Variants in FARP1 observed in about 807,000 individuals in gnomAD.
FARP1 encodes the protein FERM, ARH/RhoGEF and pleckstrin domain protein 1.
In FARP1, 52 loss-of-function variants were observed where a neutral mutation model predicts 128.8. The observed-to-expected ratio is 0.40, with a 90% CI of 0.32 to 0.51. The LOEUF is 0.51. FARP1 is among the 20% of genes least tolerant of loss of function. The pLI is 0.45. For missense variants in FARP1, 1,333 were observed against 1,367.9 expected, an observed-to-expected ratio of 0.97 and a Z score of 0.40; for synonymous variants, 580 against 551.8, an observed-to-expected ratio of 1.05 and a Z score of -0.72.
intron 2 of FARP1, among the ~76,000 whole-genome samples, chr13:98,230,179 T>A (rs937619211): frequency 6.6e-6 from 1 of 152,226 alleles, no homozygotes; most frequent in South Asian, 2.1e-4. Flanking sequence ...GAGCCTGTTA[T>A]AGGTAATTTT....
Position 98,216,417 on chromosome 13 carries a change from G to A in FARP1, c.171+3004G>A, listed in dbSNP as rs148359450. Among the ~76,000 whole-genome samples, 752 of 152,252 alleles carry A rather than the reference G, an allele frequency of 4.9e-3. 7 individuals are homozygous for A. The highest frequency in any genetic ancestry group is 0.017 in the African/African-American group (711 of 41,550). Reference sequence around the variant, plus strand: ...AGGCCAAGTGTCTGACCCTGGAAACGTCCTTTGATGGAGTGCCCCAAGTGA... The same window carrying A: ...AGGCCAAGTGTCTGACCCTGGAAACATCCTTTGATGGAGTGCCCCAAGTGA... On this transcript the variant is annotated intron_variant, in intron 2 of 26. Transcript: ENST00000319562.
chr13:98,417,369 T>TA (rs1207198547), intron 16 of FARP1, among the ~76,000 whole-genome samples: 2 of 145,944 alleles, frequency 1.4e-5, no homozygotes, highest in African/African-American at 5.1e-5. Context: ...TCTTCTCGAC[T>TA]ATACCTTTAT....
chr13:98,285,075 A>G (rs1387163751), intron 2 of FARP1, among the ~76,000 whole-genome samples: 1 of 152,200 alleles, frequency 6.6e-6, no homozygotes, highest in Non-Finnish European at 1.5e-5. Flanking sequence ...TGCGAGTATT[A>G]TTATTCAGTA....
chr13:98,371,205 A>AC (rs1255193314), intron 5 of FARP1, among the ~76,000 whole-genome samples: 4 of 119,462 alleles, frequency 3.3e-5, no homozygotes, highest in African/African-American at 1.3e-4. Context: ...GTATCCCCTC[A>AC]CCCCCGCCCC....
intron 8 of FARP1, among the ~76,000 whole-genome samples, chr13:98,387,312 A>G (rs1253208247): frequency 6.6e-6 from 1 of 152,176 alleles, no homozygotes; most frequent in African/African-American, 2.4e-5. Flanking sequence ...AAGAAAAACA[A>G]TAAAGCCAAG....
chr13:98,440,291 C>A (rs1892470726), intron 23 of FARP1, 56 bp downstream of exon 23: 2 of 1,295,602 alleles, frequency 1.5e-6, no homozygotes, highest in Non-Finnish European at 1.1e-6. Context: ...GGAGGGACAG[C>A]ATTTCTGCAT....
Position 98,452,331 on chromosome 13 carries a change from T to A in FARP1, c.*4014T>A, listed in dbSNP as rs1241552849. ...ACAAATGTCAGACGAGAGCGCTTCA[T>A]GGGGAGAAACTGAAAATTATAATTT... On this transcript the variant is annotated 3_prime_UTR_variant, in exon 27 of 27. Coordinates refer to ENST00000319562, the MANE Select transcript of FARP1 (RefSeq NM_005766.4). 2.0e-5 allele frequency: 3 copies of A among 152,436 alleles called. No individual in the cohort carries two copies. The highest frequency in any genetic ancestry group is 4.4e-5 in the Non-Finnish European group (3 of 68,008). 9.4% of individuals were successfully genotyped at this position (152,436 alleles called of 1,614,324 possible). A position where few individuals can be genotyped will look rare whatever the true frequency, so the allele number is the denominator to read the frequency against.
At chr13:98,268,778 T>TGTGTGTGTGTG (rs1884253275) in intron 2 of FARP1, among the ~76,000 whole-genome samples, 1 of 148,184 alleles carries the variant, frequency 6.7e-6, no homozygotes, top group African/African-American at 2.5e-5. Context: ...TTTCCCTTCT[T>TGTGTGTGTGTG]TGTGTGTGTG....
Position 98,176,838 on chromosome 13 carries a change from C to T in FARP1, c.-24+33346C>T, listed in dbSNP as rs1878090263. The T allele has an allele frequency of 6.2e-7, 1 of 1,611,632 alleles. No homozygotes were observed. The highest frequency in any genetic ancestry group is 1.1e-5 in the South Asian group (1 of 91,054). On this transcript the variant is annotated intron_variant, in intron 1 of 26. Transcript: ENST00000319562. This position sits in a 1 kb window ranked among gnomAD's most constrained non-coding sequence, Gnocchi z 6.2. ...CCCGACCCCGCAGTGCCTCCTGGAC[C>T]CGCTGGCTGCACTTGAGGATGGTCG...
rs2139235874 is a variant in FARP1, at chr13:98,454,766, G to A, written c.*6449G>A. 1 of 152,358 alleles carries A rather than the reference G, an allele frequency of 6.6e-6. No homozygotes were observed. The highest frequency in any genetic ancestry group is 2.4e-5 in the African/African-American group (1 of 41,566). The allele number at this position is 152,358 out of a possible 1,614,324, so 9.4% of individuals were successfully genotyped here. On this transcript the variant is annotated 3_prime_UTR_variant, in exon 27 of 27. Coordinates refer to ENST00000319562, the MANE Select transcript of FARP1 (RefSeq NM_005766.4). Reference sequence around the variant, plus strand: ...AGCCATCGGGGTGAACGCTCAGTGGGAGCTTCAGGAGCAGGGAAGGAAGAA... The same window carrying A: ...AGCCATCGGGGTGAACGCTCAGTGGAAGCTTCAGGAGCAGGGAAGGAAGAA...
At chr13:98,215,926 T>G (rs1881033728) in intron 2 of FARP1, among the ~76,000 whole-genome samples, 1 of 151,968 alleles carries the variant, frequency 6.6e-6, no homozygotes, top group Admixed American at 6.6e-5. Flanking sequence ...AAGTAGCTGG[T>G]ACGATAGGTG....
intron 2 of FARP1, among the ~76,000 whole-genome samples, chr13:98,318,072 T>C (rs1342743017): frequency 3.5e-5 from 5 of 144,768 alleles, no homozygotes; most frequent in African/African-American, 1.3e-4. Flanking sequence ...CTCCTCCTTT[T>C]TTTTTTTTTT....
At chr13:98,234,824 ACAGGTGCCGCCAAGCC>A (rs1882327021) in intron 2 of FARP1, 1 of 152,216 alleles carries the variant, frequency 6.6e-6, no homozygotes, top group African/African-American at 2.4e-5. Context: ...AATTGAGCTG[ACAGGTGCCGCCAAGCC>A]CATCTTTCCA....
rs146323365 is a variant in FARP1 at position 98,186,124 on chromosome 13, C to T, written c.-23-27096C>T. On this transcript the variant is annotated intron_variant, in intron 1 of 26. Coordinates refer to ENST00000319562, the MANE Select transcript of FARP1 (RefSeq NM_005766.4). ...CTTTTTCTTTTCTTTTTTTTTGAAA[C>T]GGAGTTTCGCTCTTGTTGCCCAGGC... Among the ~76,000 whole-genome samples, 996 of 151,684 alleles carry T rather than the reference C, an allele frequency of 6.6e-3. 6 individuals are homozygous for T. Among genetic ancestry groups the T allele is most frequent in the African/African-American group, 0.022 (913 of 41,400 alleles).
intron 1 of FARP1, among the ~76,000 whole-genome samples, chr13:98,191,964 A>T (rs1445712696): frequency 6.6e-6 from 1 of 152,190 alleles, no homozygotes; most frequent in African/African-American, 2.4e-5. Flanking sequence ...ATACGTAAGT[A>T]AATAAATAAA....
At chr13:98,185,099 C>G (rs1878773255) in intron 1 of FARP1, among the ~76,000 whole-genome samples, 1 of 152,140 alleles carries the variant, frequency 6.6e-6, no homozygotes, top group South Asian at 2.1e-4. Context: ...AATAACCTCA[C>G]AATCACAGAT....
intron 1 of FARP1, among the ~76,000 whole-genome samples, chr13:98,165,718 T>C (rs1469533694): frequency 7.0e-4 from 40 of 57,532 alleles, no homozygotes; most frequent in Non-Finnish European, 1.3e-3. Flanking sequence ...GGGTTTTTTT[T>C]TTTTTTTTTT....
At position 98,241,906 on chromosome 13, in the gene FARP1, G is replaced by A. The variant is rs183778176; in HGVS notation, c.171+28493G>A. Among the ~76,000 whole-genome samples the A allele has an allele frequency of 1.4e-3, 216 of 152,166 alleles. 1 individual carries two copies. Among genetic ancestry groups the A allele is most frequent in the African/African-American group, 5.0e-3 (207 of 41,524 alleles). On this transcript the variant is annotated intron_variant, in intron 2 of 26. Transcript: ENST00000319562. ...TGCACAACAGCCTGGGCGACAGATT[G>A]AGACTCTGTCTAAACAACAGCAACA...
At chr13:98,414,832 T>C (rs1169446292) in intron 16 of FARP1, among the ~76,000 whole-genome samples, 2 of 152,132 alleles carry the variant, frequency 1.3e-5, no homozygotes, top group Non-Finnish European at 2.9e-5. Context: ...TGCATTCCAT[T>C]AAAACAAAAT....
Sources: allele counts gnomAD v4.1 joint callset (sites outside exome capture counted in the v4.1 genomes callset), GRCh38; gene constraint gnomAD v4.1.1; non-coding constraint Gnocchi (gnomAD v3.1); transcripts MANE v1.5; gene names NCBI Gene and HGNC (gene_info 2026-07-23, HGNC 2026-07-21).